CCDC30: variants seen among roughly 807,000 people sequenced by gnomAD.
The protein encoded by CCDC30 is coiled-coil domain-containing protein 30.
A neutral mutation model predicts 100.2 loss-of-function variants in CCDC30; 70 were observed. That is an observed-to-expected ratio of 0.70 (90% CI 0.58 to 0.85). The LOEUF is 0.85. Ranked by LOEUF, CCDC30 falls within the 40% of genes least tolerant of loss-of-function variation. The probability of loss-of-function intolerance (pLI) is 0.00; values close to 1 mark genes in which losing one functional copy is unlikely to be tolerated. For synonymous variants in CCDC30, 233 were observed against 269.5 expected (o/e 0.86, Z 1.33); for missense variants, 652 against 771.2 (o/e 0.85, Z 1.83).
chr1:42,512,200 T>C (rs2148492731), intron 6 of CCDC30, among the ~76,000 whole-genome samples: 1 of 152,336 alleles, frequency 6.6e-6, no homozygotes. Flanking sequence ...GGCCAGGTGT[T>C]CCTTGCCCTC....
chr1:42,656,500 G>A (rs954487815), downstream of CCDC30, among the ~76,000 whole-genome samples: 43 of 152,212 alleles, frequency 2.8e-4, no homozygotes, highest in African/African-American at 8.9e-4. Flanking sequence ...GTATGGTGGT[G>A]CACACCTGTA....
At chr1:42,481,735 G>C (rs915095324) in intron 2 of CCDC30, among the ~76,000 whole-genome samples, 1 of 151,892 alleles carries the variant, frequency 6.6e-6, no homozygotes, top group African/African-American at 2.4e-5. Context: ...TTTGATCTAG[G>C]GAAATGTTAT....
intron 11 of CCDC30, among the ~76,000 whole-genome samples, chr1:42,632,393 C>T (rs562777645): frequency 1.9e-3 from 286 of 149,948 alleles, no homozygotes; most frequent in Admixed American, 3.2e-3. Context: ...CTTGAACCTG[C>T]GAGGTGGAGG....
At chr1:42,466,404 C>T (rs1274624956) in intron 1 of CCDC30, among the ~76,000 whole-genome samples, 1 of 152,200 alleles carries the variant, frequency 6.6e-6, no homozygotes, top group Non-Finnish European at 1.5e-5. Flanking sequence ...TTTGCTTTAC[C>T]ACCTTATTCT....
chr1:42,532,915 G>A (rs1644828918), intron 6 of CCDC30, among the ~76,000 whole-genome samples: 1 of 152,124 alleles, frequency 6.6e-6, no homozygotes, highest in South Asian at 2.1e-4. Flanking sequence ...ACAGGCGCCC[G>A]CCACCGCGCC....
intron 11 of CCDC30, among the ~76,000 whole-genome samples, chr1:42,619,840 T>C (rs1303870785): frequency 6.6e-6 from 1 of 152,234 alleles, no homozygotes; most frequent in Non-Finnish European, 1.5e-5. Context: ...TCAACTGTTC[T>C]TGTATTTCCA....
intron 12 of CCDC30, among the ~76,000 whole-genome samples, chr1:42,637,709 A>C (rs111449626): frequency 6.6e-5 from 10 of 152,322 alleles, no homozygotes; most frequent in African/African-American, 2.2e-4. Context: ...TGCTTTGTGG[A>C]GCCCTCATTT....
At chr1:42,579,049 G>A (rs1645904447) in intron 8 of CCDC30, among the ~76,000 whole-genome samples, 1 of 152,048 alleles carries the variant, frequency 6.6e-6, no homozygotes, top group Non-Finnish European at 1.5e-5. Flanking sequence ...GGAGTGCAGT[G>A]GCGCTATCTC....
intron 6 of CCDC30, among the ~76,000 whole-genome samples, chr1:42,505,102 G>C (rs372970175): frequency 6.6e-6 from 1 of 152,174 alleles, no homozygotes; most frequent in Non-Finnish European, 1.5e-5. Context: ...TGTGTGTAGC[G>C]ATTCCCACAA....
intron 4 of CCDC30, chr1:42,492,271 TG>T: frequency 5.0e-6 from 1 of 200,770 alleles, no homozygotes; most frequent in South Asian, 8.3e-5. Context: ...TTGAAAGAAG[TG>T]GTCAATAAAT....
intron 7 of CCDC30, among the ~76,000 whole-genome samples, chr1:42,572,134 T>A (rs1645745928): frequency 6.6e-6 from 1 of 152,228 alleles, no homozygotes. Context: ...CCACCAACAG[T>A]GTCTGAAGGT....
upstream of CCDC30, chr1:42,459,155 CTTTT>C (rs11316113): frequency 9.7e-5 from 9 of 92,728 alleles, no homozygotes; most frequent in South Asian, 6.5e-4. Context: ...AGAGCCAAGG[CTTTT>C]TTTTTTTTTT....
chr1:42,655,273 G>A (rs1417954272), downstream of CCDC30, among the ~76,000 whole-genome samples: 1 of 152,156 alleles, frequency 6.6e-6, no homozygotes, highest in African/African-American at 2.4e-5. Flanking sequence ...TGGGCGTGGT[G>A]GCTTACACCT....
intron 6 of CCDC30, among the ~76,000 whole-genome samples, chr1:42,512,822 G>A (rs1281424261): frequency 1.3e-5 from 2 of 152,108 alleles, no homozygotes; most frequent in East Asian, 3.9e-4. Flanking sequence ...TTCAAACATG[G>A]CCAACATGCC....
intron 10 of CCDC30, among the ~76,000 whole-genome samples, chr1:42,603,318 A>G (rs780454983): frequency 1.3e-5 from 2 of 152,162 alleles, no homozygotes; most frequent in African/African-American, 2.4e-5. Flanking sequence ...AAGGATGCTA[A>G]TTCCATTCAT....
intron 11 of CCDC30, among the ~76,000 whole-genome samples, chr1:42,630,818 T>A (rs1485789048): frequency 6.6e-6 from 1 of 152,220 alleles, no homozygotes; most frequent in Non-Finnish European, 1.5e-5. Context: ...TGATTCTTTT[T>A]AATTATTTCA....
intron 6 of CCDC30, among the ~76,000 whole-genome samples, chr1:42,513,842 G>C (rs1419333896): frequency 6.6e-6 from 1 of 152,180 alleles, no homozygotes; most frequent in Non-Finnish European, 1.5e-5. Flanking sequence ...CATAATGATG[G>C]CATCTGCTTC....
At chr1:42,537,982 A>G (rs1644937591) in intron 6 of CCDC30, 1 of 153,826 alleles carries the variant, frequency 6.5e-6, no homozygotes, top group African/African-American at 2.4e-5. Context: ...AAAAAAAAAA[A>G]AAATCTGCAT....
At chr1:42,487,977 T>G (rs550182124) in intron 3 of CCDC30, among the ~76,000 whole-genome samples, 41 of 152,280 alleles carry the variant, frequency 2.7e-4, no homozygotes, top group Admixed American at 2.6e-3. Flanking sequence ...CCACTAAGTT[T>G]GTGGCAATTT....
Sources: allele counts gnomAD v4.1 joint callset (sites outside exome capture counted in the v4.1 genomes callset), GRCh38; gene constraint gnomAD v4.1.1; transcripts MANE v1.5; gene names NCBI Gene and HGNC (gene_info 2026-07-23, HGNC 2026-07-21).